The following CORO2B variants were observed in gnomAD, a reference collection of about 807,000 sequenced individuals.
The protein encoded by CORO2B is coronin 2B, also known as coronin-2B.
CORO2B carries 26 observed loss-of-function variants against 58.8 expected under a neutral mutation model. That is an observed-to-expected ratio of 0.44 (90% CI 0.32 to 0.61). The LOEUF (loss-of-function observed/expected upper bound fraction) is 0.61. Ranked by LOEUF, CORO2B falls within the 20% of genes least tolerant of loss-of-function variation. CORO2B has a pLI of 0.04. For missense variants in CORO2B, 460 were observed against 645.1 expected (o/e 0.71, Z 3.11); for synonymous variants, 242 against 253.8 (o/e 0.95, Z 0.44).
At chr15:68,599,650 AAAG>A (rs1403995496) in intron 1 of CORO2B, among the ~76,000 whole-genome samples, 3 of 152,024 alleles carry the variant, frequency 2.0e-5, no homozygotes, top group Admixed American at 2.0e-4. Context: ...GAGGAATTCT[AAAG>A]GAGGGAATGC....
chr15:68,709,357 C>T (rs878940331), intron 3 of CORO2B, among the ~76,000 whole-genome samples: 2 of 151,278 alleles, frequency 1.3e-5, no homozygotes, highest in Non-Finnish European at 1.5e-5. Context: ...TTTTGGTTGG[C>T]TATTTTAGCA....
chr15:68,664,191 AT>A (rs200639421), intron 2 of CORO2B, among the ~76,000 whole-genome samples: 6 of 150,348 alleles, frequency 4.0e-5, no homozygotes, highest in South Asian at 4.2e-4. Context: ...GATCTCTGTA[AT>A]TTTTTTTTTG....
intron 2 of CORO2B, among the ~76,000 whole-genome samples, chr15:68,663,482 G>A (rs1006638995): frequency 1.3e-5 from 2 of 152,036 alleles, no homozygotes; most frequent in African/African-American, 2.4e-5. Context: ...ACACATACAC[G>A]CGCACACACA....
rs1893298406 is a variant in CORO2B, at chr15:68,726,307, G to A, written c.*333G>A. On this transcript the variant is annotated 3_prime_UTR_variant, in exon 12 of 12. Transcript: ENST00000261861. ...GACCAGGAAGCAAGAGGGGAAGCGGGATCCCAGCTAGACTTAGAACTTGGA... is the reference window on the plus strand; with the variant it reads ...GACCAGGAAGCAAGAGGGGAAGCGGAATCCCAGCTAGACTTAGAACTTGGA... 8 of 333,438 alleles carry A rather than the reference G, an allele frequency of 2.4e-5. No individual in the cohort carries two copies. Among genetic ancestry groups the A allele is most frequent in the South Asian group, 1.6e-4 (6 of 37,326 alleles). 20.7% of individuals were successfully genotyped at this position (333,438 alleles called of 1,614,324 possible). A position where few individuals can be genotyped will look rare whatever the true frequency, so the allele number is the denominator to read the frequency against.
chr15:68,566,626 C>T, the CORO2B span, among the ~76,000 whole-genome samples: 52 of 152,294 alleles, frequency 3.4e-4, no homozygotes, highest in Non-Finnish European at 6.5e-4. Flanking sequence ...CTCACTCTGC[C>T]CCATTCCTGC....
intron 1 of CORO2B, among the ~76,000 whole-genome samples, chr15:68,597,592 C>T (rs1303330715): frequency 6.6e-6 from 1 of 150,528 alleles, no homozygotes; most frequent in African/African-American, 2.5e-5. Flanking sequence ...TGCATTTAGC[C>T]AATCACTTCT....
chr15:68,601,943 G>A (rs911540438), intron 1 of CORO2B, among the ~76,000 whole-genome samples: 1 of 152,140 alleles, frequency 6.6e-6, no homozygotes, highest in African/African-American at 2.4e-5. Flanking sequence ...CCTCCAGAGG[G>A]GGAGGATCAC....
chr15:68,566,453 G>C, the CORO2B span, among the ~76,000 whole-genome samples: 1 of 152,166 alleles, frequency 6.6e-6, no homozygotes, highest in African/African-American at 2.4e-5. Context: ...TTAAAATCGG[G>C]TCTCTGAGCC....
chr15:68,620,955 G>A (rs945756771), intron 1 of CORO2B, among the ~76,000 whole-genome samples: 1 of 152,236 alleles, frequency 6.6e-6, no homozygotes, highest in Admixed American at 6.5e-5. Context: ...GGAGCACAGC[G>A]AGCGGTACAG....
rs746657449 is a variant in CORO2B at position 68,664,151 on chromosome 15, G to A, written c.216+18791G>A. On this transcript the variant is annotated intron_variant, in intron 2 of 11. Transcript: ENST00000261861. The stretch of plus-strand genomic sequence containing the variant: ...TGGTGGTGGGTTTATGAATGTACAC[G>A]TGCAAAAATTCAATGAGCCTTACAG... Among the ~76,000 whole-genome samples the A allele has an allele frequency of 1.2e-4, 19 of 152,096 alleles. 2 individuals carry two copies. The highest frequency in any genetic ancestry group is 2.4e-5 in the African/African-American group (1 of 41,418).
At position 68,583,622 on chromosome 15, in the gene CORO2B, G is replaced by A. The variant is rs374524832; in HGVS notation, c.15+4345G>A. Among the ~76,000 whole-genome samples, 4 of 152,336 alleles carry A rather than the reference G, an allele frequency of 2.6e-5. 1 individual carries two copies. On this transcript the variant is annotated intron_variant, in intron 1 of 11. Coordinates refer to ENST00000261861, the MANE Select transcript of CORO2B (RefSeq NM_006091.5). ...AGGAGGGACAGGATGTGGGGCAGGG[G>A]AGCAAAGTCCATAGGAGCCTTGCTA...
At chr15:68,607,272 C>G (rs1900148245) in intron 1 of CORO2B, among the ~76,000 whole-genome samples, 1 of 150,664 alleles carries the variant, frequency 6.6e-6, no homozygotes, top group Non-Finnish European at 1.5e-5. Context: ...GAAGGCTGGA[C>G]TGGGCTGGGA....
At chr15:68,551,928 A>C in the CORO2B span, among the ~76,000 whole-genome samples, 1 of 151,668 alleles carries the variant, frequency 6.6e-6, no homozygotes, top group South Asian at 2.1e-4. Context: ...CCTCCCATAC[A>C]TCAAGACCCA....
chr15:68,618,824 C>T (rs373470521), intron 1 of CORO2B, among the ~76,000 whole-genome samples: 1 of 152,132 alleles, frequency 6.6e-6, no homozygotes, highest in African/African-American at 2.4e-5. Flanking sequence ...ACATGTGCCC[C>T]TAAAAATACT....
intron 1 of CORO2B, among the ~76,000 whole-genome samples, chr15:68,579,785 C>T (rs951170777): frequency 2.0e-5 from 3 of 152,220 alleles, no homozygotes; most frequent in African/African-American, 7.2e-5. Flanking sequence ...GTGCAGAAGG[C>T]GCTGCCCAGT....
chr15:68,676,151 G>A (rs1012958416), intron 2 of CORO2B, among the ~76,000 whole-genome samples: 2 of 152,194 alleles, frequency 1.3e-5, no homozygotes, highest in Non-Finnish European at 2.9e-5. Context: ...GTGTGTGCAA[G>A]GGCACAGTGT....
chr15:68,611,465 A>C (rs79717893), intron 1 of CORO2B, among the ~76,000 whole-genome samples: 1 of 152,102 alleles, frequency 6.6e-6, no homozygotes. Flanking sequence ...ACAACATGGC[A>C]TCAGGAGCGT....
At chr15:68,519,533 TTGA>T in the CORO2B span, among the ~76,000 whole-genome samples, 1 of 152,214 alleles carries the variant, frequency 6.6e-6, no homozygotes, top group Non-Finnish European at 1.5e-5. Context: ...ATTACTCATA[TTGA>T]TGATTTTTTG....
At chr15:68,656,903 C>A (rs928773696) in intron 2 of CORO2B, among the ~76,000 whole-genome samples, 1 of 152,156 alleles carries the variant, frequency 6.6e-6, no homozygotes, top group Non-Finnish European at 1.5e-5. Context: ...TCAGGGCAAA[C>A]CTTTCAGTGC....
Sources: allele counts gnomAD v4.1 joint callset (sites outside exome capture counted in the v4.1 genomes callset), GRCh38; gene constraint gnomAD v4.1.1; transcripts MANE v1.5; gene names NCBI Gene and HGNC (gene_info 2026-07-23, HGNC 2026-07-21).